The following PUM1 variants were observed in gnomAD, a reference collection of about 807,000 sequenced individuals.
PUM1 encodes pumilio RNA binding family member 1.
In PUM1, 13 loss-of-function variants were observed where a neutral mutation model predicts 131.8. The ratio of observed to expected loss-of-function variants is 0.10; its 90% CI spans 0.06 to 0.16. PUM1 has a LOEUF of 0.16. PUM1 is among the 10% of genes least tolerant of loss of function. The pLI is 1.00. For missense variants in PUM1, 961 were observed against 1,512.4 expected, an observed-to-expected ratio of 0.64 and a Z score of 6.05; for synonymous variants, 509 against 556.5, an observed-to-expected ratio of 0.91 and a Z score of 1.20.
chr1:30,963,203 G>T (rs1008168800), intron 14 of PUM1, among the ~76,000 whole-genome samples: 9 of 152,192 alleles, frequency 5.9e-5, no homozygotes, highest in African/African-American at 2.2e-4. Flanking sequence ...TGCCAGGTCA[G>T]TGAACATTAC....
At chr1:31,050,041 G>T (rs1356467531) in intron 2 of PUM1, among the ~76,000 whole-genome samples, 1 of 151,682 alleles carries the variant, frequency 6.6e-6, no homozygotes, top group African/African-American at 2.4e-5. Flanking sequence ...ATGTTGGCCA[G>T]GCTGGTCTCA....
At chr1:30,999,619 A>C (rs1360738150) in intron 5 of PUM1, among the ~76,000 whole-genome samples, 4 of 115,120 alleles carry the variant, frequency 3.5e-5, no homozygotes, top group African/African-American at 9.2e-5. Flanking sequence ...AAAAAAAAAA[A>C]AAAAAAAAAA....
chr1:31,009,782 A>AACAAAAAAAAAC (rs1553150214), intron 3 of PUM1, among the ~76,000 whole-genome samples: 13 of 125,366 alleles, frequency 1.0e-4, no homozygotes, highest in East Asian at 2.3e-4. Flanking sequence ...AAAAAAAAAA[A>AACAAAAAAAAAC]AAAAACAAAA....
rs375158582 is a variant in PUM1 at position 30,933,180 on chromosome 1, C to T, written c.*31G>A. 8 of 1,592,736 alleles carry T rather than the reference C, an allele frequency of 5.0e-6. No individual in the cohort carries two copies. Among genetic ancestry groups the T allele is most frequent in the African/African-American group, 4.1e-5 (3 of 73,978 alleles). On this transcript the variant is annotated 3_prime_UTR_variant, in exon 22 of 22. Transcript: ENST00000426105. Reference sequence around the variant, plus strand: ...TTTGCCAGTGGGCCAGTGAGGTCAGCGGGAATGAGGGAACAGCGGGTGACA... The same window carrying T: ...TTTGCCAGTGGGCCAGTGAGGTCAGTGGGAATGAGGGAACAGCGGGTGACA...
At chr1:31,054,879 T>C (rs985083068) in intron 2 of PUM1, among the ~76,000 whole-genome samples, 2 of 152,140 alleles carry the variant, frequency 1.3e-5, no homozygotes, top group African/African-American at 4.8e-5. Context: ...CTGGTTTATC[T>C]TGCCTAGGGA....
chr1:30,950,229 T>C lies in PUM1; in HGVS notation c.2754A>G (p.Ala918=). 3 of 1,614,006 alleles carry C rather than the reference T, an allele frequency of 1.9e-6. No homozygotes were observed. The change falls in exon 17 of 22, where the codon GCA becomes GCG. Residue 918 remains alanine, a synonymous_variant. Transcript: ENST00000426105. ...ACAGGACGTGGCCTCGAATCCGTTC[T>C]GCCAAAGCCAGCTTCTGTTCAAGAC... ...FGSLEQKLAL[A]ERIRGHVLSL... is the part of the protein sequence containing the mutation.
intron 10 of PUM1, among the ~76,000 whole-genome samples, chr1:30,970,771 A>T (rs974898728): frequency 2.0e-5 from 3 of 152,216 alleles, no homozygotes; most frequent in Admixed American, 6.5e-5. Context: ...AATAGCAAGC[A>T]CAGAAATATG....
chr1:30,953,654 C>G, intron 15 of PUM1, 60 bp downstream of exon 15: 1 of 1,583,910 alleles, frequency 6.3e-7, no homozygotes, highest in Non-Finnish European at 8.6e-7. Flanking sequence ...CCCATCTGAG[C>G]CAAGACAGTT....
intron 1 of PUM1, among the ~76,000 whole-genome samples, chr1:31,063,261 G>T (rs1279862550): frequency 6.6e-6 from 1 of 152,064 alleles, no homozygotes; most frequent in Non-Finnish European, 1.5e-5. Flanking sequence ...GAAAATGAAA[G>T]AAATCCTTCC....
In PUM1 at chr1:30,945,409, C is replaced by T. The variant is rs1639628965; in HGVS notation, c.2931G>A (p.Gln977=). 1 of 1,614,106 alleles carries T rather than the reference C, an allele frequency of 6.2e-7. No homozygotes were observed. Among genetic ancestry groups the T allele is most frequent in the Non-Finnish European group, 8.5e-7 (1 of 1,180,034 alleles). The change falls in exon 18 of 22, where the codon CAG becomes CAA. Residue 977 remains glutamine, a synonymous_variant. Coordinates refer to ENST00000426105, the MANE Select transcript of PUM1 (RefSeq NM_001020658.2). ...VKDQNGNHVV[Q]KCIECVQPQS... ...GGGGCTGTACACATTCAATGCATTT[C>T]TGAACCACGTGATTGCCATTCTGAT...
intron 14 of PUM1, among the ~76,000 whole-genome samples, chr1:30,959,920 A>G (rs537193837): frequency 1.6e-4 from 25 of 151,816 alleles, no homozygotes; most frequent in African/African-American, 3.6e-4. Flanking sequence ...AAAAAAAAAA[A>G]GGGCATAAAA....
chr1:30,969,521 C>T (rs868235346), intron 10 of PUM1, among the ~76,000 whole-genome samples: 1 of 152,030 alleles, frequency 6.6e-6, no homozygotes, highest in Non-Finnish European at 1.5e-5. Flanking sequence ...TCACCAGATT[C>T]GATTTGGTAG....
chr1:30,942,181 T>G, intron 18 of PUM1, 58 bp from the exon 19 acceptor site: 8 of 794,768 alleles, frequency 1.0e-5, no homozygotes, highest in Non-Finnish European at 1.1e-5. Flanking sequence ...CTTCAATGCT[T>G]CAGTATTGTT....
At chr1:30,985,238 T>C (rs1162243582) in intron 7 of PUM1, among the ~76,000 whole-genome samples, 9 of 152,168 alleles carry the variant, frequency 5.9e-5, no homozygotes, top group Non-Finnish European at 2.9e-5. Flanking sequence ...TTCTGATGAA[T>C]GGGGAGAGCA....
At chr1:31,044,051 C>G (rs538552655) in intron 2 of PUM1, among the ~76,000 whole-genome samples, 21 of 152,192 alleles carry the variant, frequency 1.4e-4, no homozygotes, top group Admixed American at 2.6e-4. Flanking sequence ...AAAGGCCCAT[C>G]AACTGATAAA....
intron 1 of PUM1, among the ~76,000 whole-genome samples, chr1:31,059,933 G>A (rs901262623): frequency 6.6e-5 from 10 of 151,076 alleles, no homozygotes; most frequent in East Asian, 2.0e-4. Flanking sequence ...TACAGCCTCC[G>A]CCTCCTAGAC....
At chr1:30,953,582 T>C in intron 15 of PUM1, 132 bp downstream of exon 15, 2 of 926,418 alleles carry the variant, frequency 2.2e-6, no homozygotes, top group Non-Finnish European at 3.3e-6. Flanking sequence ...TGAAATAATG[T>C]GATGCAAACT....
intron 21 of PUM1, among the ~76,000 whole-genome samples, chr1:30,934,771 T>G (rs1385507770): frequency 6.6e-6 from 1 of 152,178 alleles, no homozygotes; most frequent in Non-Finnish European, 1.5e-5. Flanking sequence ...TGGAACTGGC[T>G]GCTGACAAGT....
intron 3 of PUM1, among the ~76,000 whole-genome samples, chr1:31,018,263 C>T (rs1642894030): frequency 6.6e-6 from 1 of 151,690 alleles, no homozygotes; most frequent in African/African-American, 2.4e-5. Context: ...GCAGGAGAAT[C>T]ATCTGAGCCT....
Sources: allele counts gnomAD v4.1 joint callset (sites outside exome capture counted in the v4.1 genomes callset), GRCh38; gene constraint gnomAD v4.1.1; transcripts MANE v1.5; gene names NCBI Gene and HGNC (gene_info 2026-07-23, HGNC 2026-07-21).